TOX3: variants seen among roughly 807,000 people sequenced by gnomAD.
TOX3 encodes the protein TOX high mobility group box family member 3, also known as CAG trinucleotide repeat-containing gene F9 protein.
In TOX3, 22 loss-of-function variants were observed where a neutral mutation model predicts 64.3. The ratio of observed to expected loss-of-function variants is 0.34; its 90% CI spans 0.24 to 0.49. TOX3 has a LOEUF of 0.49. TOX3 is among the 20% of genes least tolerant of loss of function. The probability of loss-of-function intolerance (pLI) is 0.99; values close to 1 mark genes in which losing one functional copy is unlikely to be tolerated. For missense variants in TOX3, 661 were observed against 714.4 expected, an observed-to-expected ratio of 0.93 and a Z score of 0.85; for synonymous variants, 291 against 273.6, an observed-to-expected ratio of 1.06 and a Z score of -0.63.
At chr16:52,536,075 T>C (rs1426427259) in intron 1 of TOX3, among the ~76,000 whole-genome samples, 1 of 152,196 alleles carries the variant, frequency 6.6e-6, no homozygotes, top group Non-Finnish European at 1.5e-5. Flanking sequence ...AGTTCACTTC[T>C]TACCACATTT....
chr16:52,518,294 T>C (rs1459331819), intron 1 of TOX3, among the ~76,000 whole-genome samples: 1 of 152,190 alleles, frequency 6.6e-6, no homozygotes, highest in Non-Finnish European at 1.5e-5. Flanking sequence ...TCCCACAAGC[T>C]GCCCATTCAG....
At chr16:52,536,813 T>C (rs911025930) in intron 1 of TOX3, among the ~76,000 whole-genome samples, 3 of 150,992 alleles carry the variant, frequency 2.0e-5, no homozygotes, top group Non-Finnish European at 4.4e-5. Flanking sequence ...CTTGCTGTGT[T>C]TCCCAGGCTG....
intron 1 of TOX3, 100 bp downstream of exon 1, chr16:52,546,536 AG>A (rs1963192565): frequency 9.5e-7 from 1 of 1,053,568 alleles, no homozygotes; most frequent in South Asian, 1.6e-5. Flanking sequence ...GGGAGGAAAG[AG>A]GCCAAAGAAA....
chr16:52,490,582 T>G (rs1785604986), intron 1 of TOX3, among the ~76,000 whole-genome samples: 1 of 151,592 alleles, frequency 6.6e-6, no homozygotes, highest in African/African-American at 2.4e-5. Flanking sequence ...TTGAAAAGTA[T>G]TCTGTAATCA....
intron 2 of TOX3, among the ~76,000 whole-genome samples, chr16:52,465,856 C>A (rs1347287510): frequency 6.6e-6 from 1 of 152,084 alleles, no homozygotes; most frequent in Admixed American, 6.5e-5. Context: ...TTAGCAGGCT[C>A]AATATATTCA....
chr16:52,485,371 CTT>C (rs1335293422), intron 1 of TOX3, among the ~76,000 whole-genome samples: 1 of 151,080 alleles, frequency 6.6e-6, no homozygotes, highest in Non-Finnish European at 1.5e-5. Flanking sequence ...CCTAAGTAAA[CTT>C]AACTCAGAAA....
rs1027447468 is a variant in TOX3, at chr16:52,438,086, A to C, written c.*1139T>G. ...AAAATACAGTCCACAGTTTTTACTG[A>C]AATGTGTTTATTCTATAGCAAGATA... On this transcript the variant is annotated 3_prime_UTR_variant, in exon 7 of 7. Transcript: ENST00000219746. The C allele has an allele frequency of 2.6e-5, 4 of 152,672 alleles. No homozygotes were observed. The South Asian group carries it at 8.3e-4, about 32-fold the overall frequency. The allele number at this position is 152,672 out of a possible 1,614,324, so 9.5% of individuals were successfully genotyped here.
At chr16:52,481,843 T>A (rs774434181) in intron 1 of TOX3, among the ~76,000 whole-genome samples, 3 of 152,192 alleles carry the variant, frequency 2.0e-5, no homozygotes, top group Non-Finnish European at 2.9e-5. Flanking sequence ...CATATAGCTA[T>A]CATTAGTTCT....
intron 1 of TOX3, among the ~76,000 whole-genome samples, chr16:52,515,185 T>C (rs573016359): frequency 9.0e-4 from 125 of 138,652 alleles, no homozygotes; most frequent in Non-Finnish European, 1.7e-3. Context: ...CTATGAATGT[T>C]AAAAAAAAAA....
chr16:52,480,994 T>C (rs1961355672), intron 1 of TOX3, among the ~76,000 whole-genome samples: 1 of 151,916 alleles, frequency 6.6e-6, no homozygotes, highest in Non-Finnish European at 1.5e-5. Flanking sequence ...TCACTAAACA[T>C]CCTACAATTC....
Position 52,439,084 on chromosome 16 carries a change from C to T in TOX3, c.*141G>A. ...CTACACTGCAGTTCTTATTGCCTAT[C>T]TAATAGACACTTGAGAGGACCGTTT... is the stretch of plus-strand genomic sequence containing the variant. On this transcript the variant is annotated 3_prime_UTR_variant, in exon 7 of 7. Transcript: ENST00000219746. 1 of 1,209,778 alleles carries T rather than the reference C, an allele frequency of 8.3e-7. No homozygotes were observed. The highest frequency in any genetic ancestry group is 1.2e-6 in the Non-Finnish European group (1 of 847,908). The allele number at this position is 1,209,778 out of a possible 1,614,324, so 74.9% of individuals were successfully genotyped here.
In TOX3 at chr16:52,468,514, T is replaced by G; in HGVS notation, c.148A>C (p.Ser50Arg). 5 of 1,613,104 alleles carry G rather than the reference T, an allele frequency of 3.1e-6. No homozygotes were observed. The highest frequency in any genetic ancestry group is 4.2e-6 in the Non-Finnish European group (5 of 1,179,312). The change falls in exon 2 of 7, where the codon AGT becomes CGT. Residue 50 changes from serine (S) to arginine (R), a missense_variant. By Grantham distance (110) the Ser-to-Arg change is moderately radical (BLOSUM62 -1). Transcript: ENST00000219746. ...AEANNAFFAA[S>R]EQTFHTPSLG... ...ACATTAAGACAGTCACCTACCTCAC[T>G]GGCAGCGAAGAACGCATTGTTCGCC...
chr16:52,492,574 T>TATATATATATATAG (rs1192077119), intron 1 of TOX3, among the ~76,000 whole-genome samples: 1 of 135,816 alleles, frequency 7.4e-6, no homozygotes, highest in African/African-American at 2.8e-5. Context: ...AATATATATA[T>TATATATATATATAG]ATATATATAT....
chr16:52,449,214 G>A (rs192356868), intron 4 of TOX3, among the ~76,000 whole-genome samples: 11 of 152,030 alleles, frequency 7.2e-5, no homozygotes, highest in Admixed American at 1.3e-4. Context: ...GCCATTCCTC[G>A]ATGCAAATAA....
intron 1 of TOX3, among the ~76,000 whole-genome samples, chr16:52,499,548 G>A (rs1037965209): frequency 6.6e-6 from 1 of 152,130 alleles, no homozygotes; most frequent in African/African-American, 2.4e-5. Flanking sequence ...TTGATTCTAC[G>A]AATCCACAAG....
intron 1 of TOX3, among the ~76,000 whole-genome samples, chr16:52,515,922 G>A (rs1041567713): frequency 6.6e-6 from 1 of 151,868 alleles, no homozygotes; most frequent in African/African-American, 2.4e-5. Context: ...AATATAAACA[G>A]CACAATTACT....
chr16:52,462,459 A>T (rs1389335493), intron 3 of TOX3, among the ~76,000 whole-genome samples: 1 of 152,066 alleles, frequency 6.6e-6, no homozygotes, highest in Non-Finnish European at 1.5e-5. Flanking sequence ...TATAGCTTTA[A>T]GGCAAGGTAA....
intron 1 of TOX3, among the ~76,000 whole-genome samples, chr16:52,499,816 C>G (rs772009278): frequency 8.5e-5 from 13 of 152,322 alleles, no homozygotes; most frequent in Non-Finnish European, 1.6e-4. Flanking sequence ...GAACAACTTT[C>G]CAGCCACCCT....
At chr16:52,494,398 T>C (rs183159571) in intron 1 of TOX3, among the ~76,000 whole-genome samples, 29 of 152,310 alleles carry the variant, frequency 1.9e-4, no homozygotes, top group Admixed American at 1.8e-3. Context: ...GGGTCCCTCC[T>C]CCACTGCCTA....
Sources: allele counts gnomAD v4.1 joint callset (sites outside exome capture counted in the v4.1 genomes callset), GRCh38; gene constraint gnomAD v4.1.1; transcripts MANE v1.5; gene names NCBI Gene and HGNC (gene_info 2026-07-23, HGNC 2026-07-21).